Variants in UBA2 observed in about 807,000 individuals in gnomAD.
UBA2 encodes the protein SUMO-activating enzyme subunit 2.
UBA2 carries 11 observed loss-of-function variants against 77.2 expected under a neutral mutation model. That is an observed-to-expected ratio of 0.14 (90% CI 0.09 to 0.24). UBA2 has a LOEUF of 0.24. Ranked by LOEUF, UBA2 falls within the 10% of genes least tolerant of loss-of-function variation. UBA2 has a pLI of 1.00. For missense variants in UBA2, 487 were observed against 781.7 expected, an observed-to-expected ratio of 0.62 and a Z score of 4.50; for synonymous variants, 278 against 276.7, an observed-to-expected ratio of 1.00 and a Z score of -0.05.
rs764200638 is a variant in UBA2 at position 34,428,485 on chromosome 19, G to T, written c.53G>T (p.Gly18Val). ...PRELAEAVAG[G>V]RVLVVGAGGI... Reference sequence around the variant, plus strand: ...GAGCTGGCTGAGGCGGTGGCCGGGGGCCGGGTGCTGGTGGTGGGGGCGGGC... The same window carrying T: ...GAGCTGGCTGAGGCGGTGGCCGGGGTCCGGGTGCTGGTGGTGGGGGCGGGC... Residue 18 changes from glycine (G) to valine (V), a missense_variant, in exon 1 of 17, where the codon GGC becomes GTC. Around this residue, in one of 9 missense-constraint regions of UBA2, gnomAD observed 30 missense variants for 27.4 expected, o/e 1.09. Coordinates refer to ENST00000246548, the MANE Select transcript of UBA2 (RefSeq NM_005499.3). The T allele has an allele frequency of 2.3e-6, 3 of 1,295,990 alleles. No homozygotes were observed. The highest frequency in any genetic ancestry group is 2.0e-6 in the Non-Finnish European group (2 of 1,015,910). 80.3% of individuals were successfully genotyped at this position (1,295,990 alleles called of 1,614,324 possible). A position where few individuals can be genotyped will look rare whatever the true frequency, so the allele number is the denominator to read the frequency against.
At chr19:34,435,280 C>T (rs1455496362) in intron 5 of UBA2, among the ~76,000 whole-genome samples, 1 of 152,182 alleles carries the variant, frequency 6.6e-6, no homozygotes, top group Non-Finnish European at 1.5e-5. Flanking sequence ...CGCCTGTAAT[C>T]CCAGCTACTT....
chr19:34,433,366 A>T lies in UBA2; in HGVS notation c.312A>T (p.Glu104Asp). The T allele has an allele frequency of 1.9e-6, 3 of 1,612,082 alleles. No homozygotes were observed. Among genetic ancestry groups the T allele is most frequent in the Non-Finnish European group, 1.7e-6 (2 of 1,178,910 alleles). Residue 104 changes from glutamate (E) to aspartate (D), a missense_variant, in exon 4 of 17, where the codon GAA becomes GAT. Around this residue, in one of 9 missense-constraint regions of UBA2, gnomAD observed 66 missense variants for 112.0 expected, o/e 0.59. Transcript: ENST00000246548. The part of the protein sequence containing the change: ...DSIMNPDYNV[E>D]FFRQFILVMN... The stretch of plus-strand genomic sequence containing the variant: ...TTTGTAGCCCTGACTATAATGTGGA[A>T]TTTTTCCGACAGTTTATACTGGTTA...
chr19:34,429,161 G>T, intron 1 of UBA2: 1 of 985,110 alleles, frequency 1.0e-6, no homozygotes, highest in Non-Finnish European at 1.2e-6. Flanking sequence ...CTTACCCTGG[G>T]TCACGGAGCG....
At chr19:34,462,911 A>G (rs1162646246) in intron 14 of UBA2, among the ~76,000 whole-genome samples, 1 of 152,182 alleles carries the variant, frequency 6.6e-6, no homozygotes, top group Non-Finnish European at 1.5e-5. Flanking sequence ...CTTGGCCAAT[A>G]TGGCAAAACC....
At chr19:34,434,824 A>ATT in intron 4 of UBA2, 44 bp from the exon 5 acceptor site, 3 of 1,342,932 alleles carry the variant, frequency 2.2e-6, no homozygotes, top group Non-Finnish European at 3.1e-6. Flanking sequence ...AAGATAACTA[A>ATT]TTTTTTTTTT....
chr19:34,457,946 AT>A (rs1312272036), intron 12 of UBA2, among the ~76,000 whole-genome samples: 2 of 152,166 alleles, frequency 1.3e-5, no homozygotes, highest in Non-Finnish European at 2.9e-5. Flanking sequence ...CCAGAAATAC[AT>A]TTTTTTCCCT....
chr19:34,433,107 C>A (rs931022635), intron 3 of UBA2, among the ~76,000 whole-genome samples: 5 of 152,150 alleles, frequency 3.3e-5, no homozygotes, highest in African/African-American at 9.7e-5. Context: ...CATCTTTCTG[C>A]CAGTTTGAGA....
chr19:34,454,838 T>G (rs528497302), intron 12 of UBA2, among the ~76,000 whole-genome samples: 13 of 152,338 alleles, frequency 8.5e-5, no homozygotes, highest in Non-Finnish European at 1.6e-4. Context: ...GTTTCAACTG[T>G]TTTTCAATTC....
Position 34,456,100 on chromosome 19 carries a change from CTTTTTCT to C in UBA2, c.1245+1550_1245+1556del, listed in dbSNP as rs1414520758. On this transcript the variant is annotated intron_variant, in intron 12 of 16. Transcript: ENST00000246548. ...CCCGATGCGCTCTTTTTTTCCTTTT[CTTTTTCT>C]TTTTTTTTTTTTTTTTTGAGGTGGA... Among the ~76,000 whole-genome samples the C allele has an allele frequency of 2.5e-4, 14 of 55,796 alleles. 2 individuals carry two copies. The East Asian group carries it at 2.8e-3, about 11-fold the overall frequency. 36.6% of individuals were successfully genotyped at this position (55,796 alleles called of 152,430 possible). A position where few individuals can be genotyped will look rare whatever the true frequency, so the allele number is the denominator to read the frequency against.
At chr19:34,435,192 GT>G (rs1252281669) in intron 5 of UBA2, among the ~76,000 whole-genome samples, 1 of 152,178 alleles carries the variant, frequency 6.6e-6, no homozygotes, top group Non-Finnish European at 1.5e-5. Context: ...GAGGTCAGGA[GT>G]TTGAGACCAG....
At position 34,469,149 on chromosome 19, in the gene UBA2, A is replaced by G. The variant is rs1433462422; in HGVS notation, c.1851A>G (p.Lys617=). ...GCCGCAAGAGGAAATTAGATGAGAA[A>G]GAGAATCTCAGTGCAAAGAGGTCAC... The part of the protein sequence containing the change: ...ERSRKRKLDE[K]ENLSAKRSRI... The change falls in exon 17 of 17, where the codon AAA becomes AAG. Residue 617 remains lysine (K), a synonymous_variant. Coordinates refer to ENST00000246548, the MANE Select transcript of UBA2 (RefSeq NM_005499.3). 9 of 1,613,660 alleles carry G rather than the reference A, an allele frequency of 5.6e-6. No homozygotes were observed. Among genetic ancestry groups the G allele is most frequent in the Non-Finnish European group, 7.6e-6 (9 of 1,179,808 alleles).
At chr19:34,464,929 T>C (rs1375015568) in intron 15 of UBA2, among the ~76,000 whole-genome samples, 1 of 151,790 alleles carries the variant, frequency 6.6e-6, no homozygotes, top group African/African-American at 2.4e-5. Context: ...GGCCAAAGGC[T>C]GGTGGTGGCG....
chr19:34,454,514 A>C lies in UBA2; in HGVS notation c.1203A>C (p.Glu401Asp). The change falls in exon 12 of 17, where the codon GAA (glutamate) becomes GAC (aspartate). Residue 401 changes from glutamate (E) to aspartate (D), a missense_variant. Around this residue, in one of 9 missense-constraint regions of UBA2, gnomAD observed 300 missense variants for 454.3 expected, o/e 0.66. Transcript: ENST00000246548. Reference protein sequence around the residue: ...NAVIAGLIVLEGLKILSGKID... With the variant: ...NAVIAGLIVLDGLKILSGKID... The stretch of plus-strand genomic sequence containing the variant: ...TAATTGCTGGGTTGATAGTATTGGA[A>C]GGATTGAAGATTTTATCAGGAAAAA... The C allele has an allele frequency of 6.2e-7, 1 of 1,610,178 alleles. No individual in the cohort carries two copies. The highest frequency in any genetic ancestry group is 8.5e-7 in the Non-Finnish European group (1 of 1,178,230).
intron 3 of UBA2, 108 bp downstream of exon 3, chr19:34,432,039 T>TCTG (rs1161542134): frequency 3.7e-6 from 3 of 819,460 alleles, no homozygotes; most frequent in Non-Finnish European, 5.8e-6. Flanking sequence ...TCTAGAATTA[T>TCTG]TAAACAGTGG....
At chr19:34,456,433 T>C (rs1023361653) in intron 12 of UBA2, among the ~76,000 whole-genome samples, 1 of 152,050 alleles carries the variant, frequency 6.6e-6, no homozygotes, top group East Asian at 1.9e-4. Flanking sequence ...TCTTAAAATA[T>C]TTTATTTTCA....
At position 34,451,110 on chromosome 19, in the gene UBA2, T is replaced by G. The variant is rs532966336; in HGVS notation, c.871+746T>G. Reference sequence around the variant, plus strand: ...CTGGACTCCTGGGCTCAAGCCATCCTCCTCCCTCAGTCTCCTGAGTAGCTG... The same window carrying G: ...CTGGACTCCTGGGCTCAAGCCATCCGCCTCCCTCAGTCTCCTGAGTAGCTG... On this transcript the variant is annotated intron_variant, in intron 9 of 16. Coordinates refer to ENST00000246548, the MANE Select transcript of UBA2 (RefSeq NM_005499.3). Among the ~76,000 whole-genome samples the G allele has an allele frequency of 2.6e-5, 4 of 152,196 alleles. No individual in the cohort carries two copies. In the East Asian group the frequency reaches 7.7e-4, roughly 29 times the overall value.
At position 34,433,747 on chromosome 19, in the gene UBA2, G is replaced by A. The variant is rs139024537; in HGVS notation, c.358+335G>A. ...GACCAAGGCAGGAGGATCACTTGAG[G>A]TCAGGAGTTCGAGACCAACCTAGTC... On this transcript the variant is annotated intron_variant, in intron 4 of 16. Transcript: ENST00000246548. 1.4e-3 allele frequency among the ~76,000 whole-genome samples: 217 copies of A among 152,264 alleles called. 5 individuals are homozygous for A. Among genetic ancestry groups the A allele is most frequent in the African/African-American group, 4.9e-3 (205 of 41,550 alleles).
chr19:34,457,662 G>A (rs907903002), intron 12 of UBA2, among the ~76,000 whole-genome samples: 1 of 152,086 alleles, frequency 6.6e-6, no homozygotes, highest in Non-Finnish European at 1.5e-5. Context: ...ATTTAGTTCT[G>A]TATTCTCAGG....
At chr19:34,469,000 G>C (rs757020110) in intron 16 of UBA2, 40 bp from the exon 17 acceptor site, 2 of 1,547,342 alleles carry the variant, frequency 1.3e-6, no homozygotes, top group East Asian at 2.3e-5. Context: ...TAACTCCCAC[G>C]CTTTTACCCA....
Sources: gnomAD v4.1 joint callset for allele counts (sites outside exome capture counted in the v4.1 genomes callset) on GRCh38, gnomAD v4.1.1 for gene constraint, gnomAD v4.1.1 regional missense constraint, MANE v1.5 for transcripts, NCBI Gene and HGNC (gene_info 2026-07-23, HGNC 2026-07-21) for gene names.